Variants in RBPMS observed in about 807,000 individuals in gnomAD.
The protein encoded by RBPMS is RNA-binding protein with multiple splicing.
RBPMS carries 7 observed loss-of-function variants against 26.8 expected under a neutral mutation model. The ratio of observed to expected loss-of-function variants is 0.26; its 90% CI spans 0.15 to 0.49. The LOEUF (loss-of-function observed/expected upper bound fraction) is 0.49. RBPMS is among the 20% of genes least tolerant of loss of function. RBPMS has a pLI of 0.98. For missense variants in RBPMS, 186 were observed against 250.0 expected, an observed-to-expected ratio of 0.74 and a Z score of 1.73; for synonymous variants, 96 against 93.3, an observed-to-expected ratio of 1.03 and a Z score of -0.17.
At chr8:30,490,934 G>A (rs979408451) in intron 4 of RBPMS, among the ~76,000 whole-genome samples, 22 of 152,178 alleles carry the variant, frequency 1.4e-4, no homozygotes, top group African/African-American at 5.3e-4. Context: ...AACTTCCTAA[G>A]TTTGGACTTG....
At chr8:30,422,727 T>A (rs1810940190) in intron 1 of RBPMS, among the ~76,000 whole-genome samples, 1 of 152,204 alleles carries the variant, frequency 6.6e-6, no homozygotes, top group Admixed American at 6.5e-5. Flanking sequence ...GAAAACTTTC[T>A]ATCTGGGCTC....
At chr8:30,414,655 A>C (rs1183573005) in intron 1 of RBPMS, among the ~76,000 whole-genome samples, 1 of 152,218 alleles carries the variant, frequency 6.6e-6, no homozygotes, top group African/African-American at 2.4e-5. Flanking sequence ...TGGCTCTTTA[A>C]TTTATGAGGG....
chr8:30,568,573 A>T (rs957199378), intron 8 of RBPMS, among the ~76,000 whole-genome samples: 1 of 152,170 alleles, frequency 6.6e-6, no homozygotes, highest in African/African-American at 2.4e-5. Flanking sequence ...ACCTGAGATA[A>T]GGAGATTTGT....
At chr8:30,570,329 C>CGTGT (rs1443225094) in intron 8 of RBPMS, among the ~76,000 whole-genome samples, 8 of 152,128 alleles carry the variant, frequency 5.3e-5, no homozygotes, top group Non-Finnish European at 1.5e-5. Context: ...ACTTCTCAAA[C>CGTGT]GTGTGTGACA....
chr8:30,550,304 G>A (rs190455073), intron 6 of RBPMS, among the ~76,000 whole-genome samples: 4 of 152,266 alleles, frequency 2.6e-5, no homozygotes, highest in South Asian at 2.1e-4. Flanking sequence ...CCATTTACAC[G>A]CTGTGCGACC....
chr8:30,521,929 G>A (rs573996110), intron 5 of RBPMS, among the ~76,000 whole-genome samples: 45 of 152,110 alleles, frequency 3.0e-4, no homozygotes, highest in Admixed American at 2.7e-3. Flanking sequence ...GAGAAATGTC[G>A]GTCAAAAGAA....
chr8:30,524,037 T>C lies in RBPMS; in HGVS notation c.397+19601T>C, dbSNP rs546287117. On this transcript the variant is annotated intron_variant, in intron 5 of 8. Transcript: ENST00000397323. ...CAGTTTATTTGTTGTGGAACCCAGA[T>C]TGTTTGTCCTGTAATTTCTTAGAGT... is the stretch of plus-strand genomic sequence containing the variant. Among the ~76,000 whole-genome samples, 4 of 152,344 alleles carry C rather than the reference T, an allele frequency of 2.6e-5. No individual in the cohort carries two copies. In the South Asian group the frequency reaches 8.3e-4, roughly 32 times the overall value.
At chr8:30,566,169 C>A in intron 7 of RBPMS, 88 bp from the exon 8 acceptor site, 1 of 703,382 alleles carries the variant, frequency 1.4e-6, no homozygotes, top group Non-Finnish European at 1.7e-6. Context: ...TGGCTCTCTG[C>A]CCTCAGAACA....
chr8:30,450,787 C>CGAAAAA (rs1814478970), intron 1 of RBPMS, among the ~76,000 whole-genome samples: 2 of 87,384 alleles, frequency 2.3e-5, no homozygotes, highest in Non-Finnish European at 4.4e-5. Flanking sequence ...TGCCTGAAAG[C>CGAAAAA]AAAAAAAAAA....
At chr8:30,542,679 A>G (rs1003311925) in intron 5 of RBPMS, among the ~76,000 whole-genome samples, 1 of 152,258 alleles carries the variant, frequency 6.6e-6, no homozygotes, top group African/African-American at 2.4e-5. Flanking sequence ...TCGCTAAACA[A>G]CAATAATAGT....
intron 1 of RBPMS, chr8:30,444,628 A>G (rs548380476): frequency 9.8e-5 from 15 of 152,340 alleles, no homozygotes; most frequent in East Asian, 1.9e-4. Flanking sequence ...GAAGGCCTAC[A>G]TAAGTATCTG....
At chr8:30,563,922 C>T (rs1827699685) in intron 7 of RBPMS, 1 of 152,300 alleles carries the variant, frequency 6.6e-6, no homozygotes, top group African/African-American at 2.4e-5. Flanking sequence ...CTGCACATCA[C>T]ACCTAAGGCT....
chr8:30,435,404 G>A (rs1412818491), intron 1 of RBPMS, among the ~76,000 whole-genome samples: 1 of 152,210 alleles, frequency 6.6e-6, no homozygotes, highest in African/African-American at 2.4e-5. Flanking sequence ...TTGTGGAGGT[G>A]CTAAGCTATA....
chr8:30,408,908 A>G (rs1808961621), intron 1 of RBPMS, among the ~76,000 whole-genome samples: 2 of 152,062 alleles, frequency 1.3e-5, no homozygotes, highest in Non-Finnish European at 1.5e-5. Context: ...TTTTTCCTCT[A>G]TGGATTAGCC....
At chr8:30,567,484 G>C (rs1827981945) in intron 8 of RBPMS, among the ~76,000 whole-genome samples, 1 of 152,174 alleles carries the variant, frequency 6.6e-6, no homozygotes, top group Non-Finnish European at 1.5e-5. Context: ...CGGCCTTCTA[G>C]CTTTTCCTTT....
intron 8 of RBPMS, among the ~76,000 whole-genome samples, chr8:30,568,291 C>T (rs1428612746): frequency 6.6e-6 from 1 of 152,050 alleles, no homozygotes; most frequent in Non-Finnish European, 1.5e-5. Flanking sequence ...GGGAAGGAAT[C>T]CTCAGGAATT....
intron 1 of RBPMS, among the ~76,000 whole-genome samples, chr8:30,426,840 C>T (rs1164423636): frequency 1.3e-5 from 2 of 150,580 alleles, no homozygotes; most frequent in South Asian, 2.1e-4. Context: ...GCATCCTCCC[C>T]AGAAAACACA....
At chr8:30,460,783 G>A (rs1815789861) in intron 1 of RBPMS, among the ~76,000 whole-genome samples, 2 of 152,190 alleles carry the variant, frequency 1.3e-5, no homozygotes, top group Non-Finnish European at 2.9e-5. Context: ...GGAGCTGGGT[G>A]TGGTGGCTCA....
In RBPMS at chr8:30,547,256, C is replaced by T. The variant is rs764343531; in HGVS notation, c.528+2632C>T. ...TTTTGTTTTTCTTAGCAATGTTATG[C>T]TCTATTTTGAGACATGGATTTTTTT... On this transcript the variant is annotated intron_variant, in intron 6 of 8. Coordinates refer to ENST00000397323, the MANE Select transcript of RBPMS (RefSeq NM_001008710.3). The T allele has an allele frequency of 3.6e-6, 5 of 1,395,904 alleles. No individual in the cohort carries two copies. The East Asian group carries it at 1.1e-4, about 32-fold the overall frequency. 86.5% of individuals were successfully genotyped at this position (1,395,904 alleles called of 1,614,324 possible).
Sources: gnomAD v4.1 joint callset for allele counts (sites outside exome capture counted in the v4.1 genomes callset) on GRCh38, gnomAD v4.1.1 for gene constraint, MANE v1.5 for transcripts, NCBI Gene and HGNC (gene_info 2026-07-23, HGNC 2026-07-21) for gene names.